The following STAG1 variants were observed in gnomAD, a reference collection of about 807,000 sequenced individuals.
STAG1 encodes cohesin subunit SA-1.
STAG1 carries 26 observed loss-of-function variants against 170.9 expected under a neutral mutation model. The ratio of observed to expected loss-of-function variants is 0.15; its 90% CI spans 0.11 to 0.21. The LOEUF is 0.21. Ranked by LOEUF, STAG1 falls within the 10% of genes least tolerant of loss-of-function variation. The pLI is 1.00. For synonymous variants in STAG1, 514 were observed against 497.7 expected (o/e 1.03, Z -0.44); for missense variants, 964 against 1,509.5 (o/e 0.64, Z 5.99).
At chr3:136,504,549 A>G (rs1933657629) in intron 7 of STAG1, among the ~76,000 whole-genome samples, 1 of 152,226 alleles carries the variant, frequency 6.6e-6, no homozygotes, top group African/African-American at 2.4e-5. Context: ...AAACTGTATA[A>G]GGAAAGAGAA....
chr3:136,728,751 C>T (rs545568477), intron 1 of STAG1, among the ~76,000 whole-genome samples: 1 of 152,316 alleles, frequency 6.6e-6, no homozygotes, highest in South Asian at 2.1e-4. Flanking sequence ...CAGAAAGTTA[C>T]ATTAAACAGC....
intron 5 of STAG1, among the ~76,000 whole-genome samples, chr3:136,551,469 AGGGTTTCTCTGT>A (rs1193702044): frequency 1.4e-5 from 2 of 139,312 alleles, no homozygotes; most frequent in African/African-American, 5.4e-5. Context: ...GGAGAGAGAT[AGGGTTTCTCTGT>A]GTTGCCCAGG....
At chr3:136,423,076 T>G in intron 16 of STAG1, 32 bp from the exon 17 acceptor site, 1 of 1,437,326 alleles carries the variant, frequency 7.0e-7, no homozygotes, top group African/African-American at 1.4e-5. Context: ...AAGAAGAGTA[T>G]TGTGTTAAAT....
intron 26 of STAG1, 93 bp from the exon 27 acceptor site, chr3:136,359,389 T>C (rs1369337045): frequency 6.8e-6 from 6 of 878,046 alleles, no homozygotes; most frequent in Middle Eastern, 3.2e-4. Context: ...GTAAAAGGTA[T>C]AAGGTGAAAT....
chr3:136,436,384 T>A (rs1448369901), intron 15 of STAG1, among the ~76,000 whole-genome samples: 1 of 151,746 alleles, frequency 6.6e-6, no homozygotes, highest in Non-Finnish European at 1.5e-5. Flanking sequence ...TAGGTTCAAG[T>A]GATTCTCCTG....
intron 6 of STAG1, among the ~76,000 whole-genome samples, chr3:136,535,238 C>T (rs188734587): frequency 3.3e-5 from 5 of 152,222 alleles, no homozygotes; most frequent in East Asian, 1.9e-4. Context: ...GGGAGAAAAG[C>T]GTGTGAGGAG....
intron 6 of STAG1, among the ~76,000 whole-genome samples, chr3:136,531,040 G>A (rs1286398169): frequency 6.6e-6 from 1 of 152,168 alleles, no homozygotes; most frequent in East Asian, 1.9e-4. Flanking sequence ...AGGAGGCAGA[G>A]GTTGCAGTGA....
chr3:136,461,058 T>C (rs1449293314), intron 13 of STAG1, among the ~76,000 whole-genome samples: 1 of 152,132 alleles, frequency 6.6e-6, no homozygotes, highest in Non-Finnish European at 1.5e-5. Context: ...ATGTGATACA[T>C]CACATCAACA....
Position 136,542,252 on chromosome 3 carries a change from ACT to A in STAG1, c.395-59_395-58del, listed in dbSNP as rs1271992959. On this transcript the variant is annotated intron_variant, in intron 5 of 33. Coordinates refer to ENST00000383202, the MANE Select transcript of STAG1 (RefSeq NM_005862.3). ...CAATTAATCTTTCAGATCAATTTCC[ACT>A]CTCTCAAGCATTAACAAGTTATCTG... is the stretch of plus-strand genomic sequence containing the variant. The A allele has an allele frequency of 5.4e-6, 7 of 1,304,904 alleles. No individual in the cohort carries two copies. In the African/African-American group the frequency reaches 5.8e-5, roughly 11 times the overall value. 80.8% of individuals were successfully genotyped at this position (1,304,904 alleles called of 1,614,324 possible).
At chr3:136,684,690 C>T (rs1237822954) in intron 1 of STAG1, among the ~76,000 whole-genome samples, 2 of 150,194 alleles carry the variant, frequency 1.3e-5, no homozygotes, top group Non-Finnish European at 3.0e-5. Context: ...GTGGGAGAAT[C>T]GCTTGAACCC....
chr3:136,578,239 C>G (rs1012604757), intron 4 of STAG1, among the ~76,000 whole-genome samples: 10 of 152,114 alleles, frequency 6.6e-5, no homozygotes, highest in African/African-American at 2.4e-4. Context: ...CCCAAGTGGC[C>G]ACACTTAACC....
chr3:136,502,047 G>A (rs1363942671), intron 8 of STAG1, among the ~76,000 whole-genome samples: 13 of 150,518 alleles, frequency 8.6e-5, no homozygotes. Flanking sequence ...CAGGAGTGGT[G>A]GCACATGCCT....
chr3:136,613,043 C>G (rs1460577082), intron 3 of STAG1, among the ~76,000 whole-genome samples: 1 of 152,078 alleles, frequency 6.6e-6, no homozygotes, highest in African/African-American at 2.4e-5. Flanking sequence ...TGGCTCACAC[C>G]TGTAATCCCA....
chr3:136,369,098 C>CTACAAG lies in STAG1; in HGVS notation c.2545+4_2545+9dup, dbSNP rs772985522. ...AAAATCAATATTGACAAGATGATAGCTACAAGTACCCATGCTCTGGTTCTC... is the reference window on the plus strand; with the variant it reads ...AAAATCAATATTGACAAGATGATAGCTACAAGTACAAGTACCCATGCTCTGGTTCTC... On this transcript the variant is annotated intron_variant, in intron 24 of 33. Transcript: ENST00000383202. 3.4e-6 allele frequency: 5 copies of CTACAAG among 1,492,328 alleles called. No homozygotes were observed. The highest frequency in any genetic ancestry group is 1.5e-5 in the African/African-American group (1 of 68,456). The allele number at this position is 1,492,328 out of a possible 1,614,324, so 92.4% of individuals were successfully genotyped here. A position where few individuals can be genotyped will look rare whatever the true frequency, so the allele number is the denominator to read the frequency against.
At chr3:136,384,507 A>G (rs526574) in intron 22 of STAG1, among the ~76,000 whole-genome samples, 56,191 of 146,784 alleles carry the variant, frequency 0.38, 12,359 homozygotes, top group East Asian at 0.81. Context: ...GGTGGCTCAC[A>G]CCTGTAATCT....
intron 21 of STAG1, among the ~76,000 whole-genome samples, chr3:136,412,111 A>G (rs767671332): frequency 7.2e-5 from 11 of 152,178 alleles, no homozygotes; most frequent in Non-Finnish European, 1.3e-4. Flanking sequence ...ACAATTTGAG[A>G]ACCAAAATAA....
At chr3:136,566,874 T>C (rs1206516737) in intron 5 of STAG1, among the ~76,000 whole-genome samples, 2 of 152,218 alleles carry the variant, frequency 1.3e-5, no homozygotes, top group Admixed American at 6.5e-5. Flanking sequence ...AAATAAATTA[T>C]TGTACATATA....
At chr3:136,565,106 AAGAG>A (rs1296496862) in intron 5 of STAG1, among the ~76,000 whole-genome samples, 2 of 71,498 alleles carry the variant, frequency 2.8e-5, no homozygotes, top group Admixed American at 1.3e-4. Flanking sequence ...AGGAAAGAGA[AAGAG>A]AGAGAAAGAA....
At chr3:136,715,633 T>A (rs537220331) in intron 1 of STAG1, among the ~76,000 whole-genome samples, 91 of 151,678 alleles carry the variant, frequency 6.0e-4, no homozygotes, top group East Asian at 7.9e-4. Flanking sequence ...AAGAAAAAAA[T>A]TTTTAAGCAG....
Sources: gnomAD v4.1 joint callset for allele counts (sites outside exome capture counted in the v4.1 genomes callset) on GRCh38, gnomAD v4.1.1 for gene constraint, MANE v1.5 for transcripts, NCBI Gene and HGNC (gene_info 2026-07-23, HGNC 2026-07-21) for gene names.